Variants in NSUN6 observed in about 807,000 individuals in gnomAD.
The protein encoded by NSUN6 is tRNA (cytosine(72)-C(5))-methyltransferase NSUN6.
NSUN6 carries 64 observed loss-of-function variants against 58.0 expected under a neutral mutation model. The observed-to-expected ratio is 1.10, with a 90% CI of 0.90 to 1.36. The LOEUF is 1.36. Ranked by LOEUF, NSUN6 falls within the 40% of genes most tolerant of loss-of-function variation. The probability of loss-of-function intolerance (pLI) is 0.00; values close to 1 mark genes in which losing one functional copy is unlikely to be tolerated. For missense variants in NSUN6, 701 were observed against 550.1 expected (o/e 1.27, Z -2.74); for synonymous variants, 231 against 193.9 (o/e 1.19, Z -1.59).
intron 8 of NSUN6, among the ~76,000 whole-genome samples, chr10:18,575,729 G>T (rs994612979): frequency 6.6e-6 from 1 of 152,066 alleles, no homozygotes; most frequent in South Asian, 2.1e-4. Context: ...AATGCACCAC[G>T]GAAAGATACT....
At chr10:18,621,493 T>C (rs142809995) in intron 3 of NSUN6, among the ~76,000 whole-genome samples, 261 of 152,342 alleles carry the variant, frequency 1.7e-3, no homozygotes, top group African/African-American at 5.9e-3. Flanking sequence ...CAAGTATCAA[T>C]ATTTAAGTCA....
rs116991331 is a variant in NSUN6 at position 18,644,145 on chromosome 10, C to T, written c.232-1590G>A. Among the ~76,000 whole-genome samples the T allele has an allele frequency of 2.4e-4, 36 of 152,300 alleles. No homozygotes were observed. In the East Asian group the frequency reaches 2.9e-3, roughly 12 times the overall value. On this transcript the variant is annotated intron_variant, in intron 2 of 10. Coordinates refer to ENST00000377304, the MANE Select transcript of NSUN6 (RefSeq NM_182543.5). ...TCCATCATCCCACAAAGATCCTTCA[C>T]GCTCACTGGCAGTCAATCCCTGTTC...
chr10:18,651,240 T>C lies in NSUN6; in HGVS notation c.-37A>G, dbSNP rs767491257. On this transcript the variant is annotated 5_prime_UTR_variant, in exon 1 of 11. Transcript: ENST00000377304. ...TTTAGTTCTCCACCAAGAGAAATGC[T>C]GGAAAACGGTGTTTTGTTTTTTTTT... 6.6e-7 allele frequency: 1 copy of C among 1,511,454 alleles called. No homozygotes were observed. The highest frequency in any genetic ancestry group is 1.3e-5 in the South Asian group (1 of 78,130). 93.6% of individuals were successfully genotyped at this position (1,511,454 alleles called of 1,614,324 possible). A position where few individuals can be genotyped will look rare whatever the true frequency, so the allele number is the denominator to read the frequency against.
chr10:18,655,684 A>G (rs2059769486), upstream of NSUN6, among the ~76,000 whole-genome samples: 1 of 152,218 alleles, frequency 6.6e-6, no homozygotes, highest in South Asian at 2.1e-4. Flanking sequence ...TCCAGAGAAG[A>G]CAGGACCAGA....
chr10:18,550,243 G>A (rs2054517860), intron 9 of NSUN6, among the ~76,000 whole-genome samples: 1 of 152,184 alleles, frequency 6.6e-6, no homozygotes, highest in Non-Finnish European at 1.5e-5. Context: ...GTCAAAGTGG[G>A]TTTCGGCTGT....
rs111751686 is a variant in NSUN6 at position 18,636,554 on chromosome 10, A to C, written c.311+5922T>G. ...ACTAGGTGGTAGGAATTTTAGGGAA[A>C]ATTTAACTCCAGGAACCTCCTCATT... On this transcript the variant is annotated intron_variant, in intron 3 of 10. Coordinates refer to ENST00000377304, the MANE Select transcript of NSUN6 (RefSeq NM_182543.5). 2.8e-4 allele frequency among the ~76,000 whole-genome samples: 43 copies of C among 152,118 alleles called. 1 individual carries two copies. The highest frequency in any genetic ancestry group is 9.9e-4 in the African/African-American group (41 of 41,480).
chr10:18,557,004 G>T (rs762013629), intron 8 of NSUN6, among the ~76,000 whole-genome samples: 1 of 150,490 alleles, frequency 6.6e-6, no homozygotes, highest in Admixed American at 6.7e-5. Context: ...AGTGAAAAAT[G>T]GAATAGAATA....
At position 18,609,928 on chromosome 10, in the gene NSUN6, T is replaced by C. The variant is rs1414266392; in HGVS notation, c.576-2A>G. 5.1e-6 allele frequency: 8 copies of C among 1,568,998 alleles called. No homozygotes were observed. In the Admixed American group the frequency reaches 1.0e-4, roughly 20 times the overall value. ...TCTGTCATTCTTATGCCCATGCCTC[T>C]GAAAAATAGGAAATCTAACATTAGT... On this transcript the variant is annotated splice_acceptor_variant, in intron 5 of 10. Coordinates refer to ENST00000377304, the MANE Select transcript of NSUN6 (RefSeq NM_182543.5). LOFTEE classifies it high-confidence loss of function.
At chr10:18,600,122 C>A (rs1461803412) in intron 6 of NSUN6, among the ~76,000 whole-genome samples, 1 of 152,104 alleles carries the variant, frequency 6.6e-6, no homozygotes, top group Non-Finnish European at 1.5e-5. Flanking sequence ...TAAAAAGCCC[C>A]CATCACAATG....
chr10:18,656,883 G>C (rs1436278511), upstream of NSUN6, among the ~76,000 whole-genome samples: 1 of 135,360 alleles, frequency 7.4e-6, no homozygotes, highest in Non-Finnish European at 1.5e-5. Flanking sequence ...CTGGAGTCCA[G>C]ATGCACGATC....
At chr10:18,580,987 G>T (rs1216030278) in intron 8 of NSUN6, among the ~76,000 whole-genome samples, 1 of 152,102 alleles carries the variant, frequency 6.6e-6, no homozygotes, top group Non-Finnish European at 1.5e-5. Flanking sequence ...CTTGGAAGAG[G>T]GCCAACTGGG....
intron 2 of NSUN6, among the ~76,000 whole-genome samples, chr10:18,644,069 T>G (rs1484567364): frequency 1.3e-5 from 2 of 152,210 alleles, no homozygotes; most frequent in African/African-American, 4.8e-5. Flanking sequence ...AAACGTACAA[T>G]TCAATGATTT....
intron 10 of NSUN6, among the ~76,000 whole-genome samples, chr10:18,546,459 G>C (rs1284658522): frequency 1.3e-5 from 2 of 152,160 alleles, no homozygotes; most frequent in African/African-American, 4.8e-5. Flanking sequence ...CCACATTTTA[G>C]CTGTGTGACT....
rs145769877 is a variant in NSUN6, at chr10:18,622,234, G to A, written c.312-5941C>T. Among the ~76,000 whole-genome samples the A allele has an allele frequency of 6.5e-3, 993 of 152,182 alleles. 2 individuals carry two copies. Among genetic ancestry groups the A allele is most frequent in the Middle Eastern group, 0.024 (7 of 294 alleles). On this transcript the variant is annotated intron_variant, in intron 3 of 10. Transcript: ENST00000377304. ...ATAAATGGGATCAGTGCCTTTATACGAGACCAAAGAGCTACCCACTTGCTT... is the reference window on the plus strand; with the variant it reads ...ATAAATGGGATCAGTGCCTTTATACAAGACCAAAGAGCTACCCACTTGCTT...
At chr10:18,630,890 CTAACTCATTTTATGAGGCCAGCA>C (rs2059007455) in intron 3 of NSUN6, among the ~76,000 whole-genome samples, 3 of 151,998 alleles carry the variant, frequency 2.0e-5, no homozygotes. Flanking sequence ...GGAATCCTCC[CTAACTCATTTTATGAGGCCAGCA>C]TCATCCTGAT....
intron 2 of NSUN6, 64 bp from the exon 3 acceptor site, chr10:18,642,619 T>G (rs1226220400): frequency 1.2e-6 from 1 of 809,274 alleles, no homozygotes; most frequent in Non-Finnish European, 2.1e-6. Flanking sequence ...CTTATGGAAC[T>G]TTTCAGTATC....
upstream of NSUN6, among the ~76,000 whole-genome samples, chr10:18,657,638 G>A (rs574400429): frequency 4.6e-5 from 7 of 150,816 alleles, no homozygotes; most frequent in African/African-American, 9.8e-5. Flanking sequence ...TTTTTTAGAC[G>A]GAGTCTCACT....
At chr10:18,651,605 C>G, upstream of NSUN6, 3 of 987,732 alleles carry the variant, frequency 3.0e-6, no homozygotes, top group South Asian at 9.3e-5. Flanking sequence ...AAACACGCGC[C>G]CCCTATTTCT....
intron 5 of NSUN6, among the ~76,000 whole-genome samples, chr10:18,613,636 T>C (rs1011945239): frequency 3.9e-5 from 6 of 152,158 alleles, no homozygotes; most frequent in Non-Finnish European, 7.4e-5. Context: ...TGAAGCCTTC[T>C]AAAAAGAATA....
Sources: allele counts gnomAD v4.1 joint callset (sites outside exome capture counted in the v4.1 genomes callset), GRCh38; gene constraint gnomAD v4.1.1; transcripts MANE v1.5; gene names NCBI Gene and HGNC (gene_info 2026-07-23, HGNC 2026-07-21).